Variants in RPS6KC1 observed in about 807,000 individuals in gnomAD.
The protein encoded by RPS6KC1 is ribosomal protein S6 kinase C1, also known as inactive ribosomal protein S6 kinase delta-1.
Under a neutral mutation model 103.8 loss-of-function variants are expected in RPS6KC1, and 54 were observed. The ratio of observed to expected loss-of-function variants is 0.52; its 90% CI spans 0.42 to 0.65. The LOEUF (loss-of-function observed/expected upper bound fraction) is 0.65. Among genes scored for constraint, RPS6KC1 ranks in the 30% least tolerant of loss-of-function variants. RPS6KC1 has a pLI of 0.00. For missense variants in RPS6KC1, 1,151 were observed against 1,253.8 expected, an observed-to-expected ratio of 0.92 and a Z score of 1.24; for synonymous variants, 439 against 438.7, an observed-to-expected ratio of 1.00 and a Z score of -0.01.
At chr1:213,598,598 G>T in the RPS6KC1 span, among the ~76,000 whole-genome samples, 1 of 152,054 alleles carries the variant, frequency 6.6e-6, no homozygotes, top group Non-Finnish European at 1.5e-5. Context: ...TATGAATCTG[G>T]GGACTCAGTA....
chr1:213,557,241 A>G, the RPS6KC1 span, among the ~76,000 whole-genome samples: 1 of 152,118 alleles, frequency 6.6e-6, no homozygotes, highest in African/African-American at 2.4e-5. Context: ...CTCCACCCCC[A>G]CTTTCTAGTG....
chr1:213,527,285 T>C, the RPS6KC1 span, among the ~76,000 whole-genome samples: 1 of 152,244 alleles, frequency 6.6e-6, no homozygotes, highest in Non-Finnish European at 1.5e-5. Context: ...TAGTGTTTTA[T>C]GGTTTATAAA....
intron 8 of RPS6KC1, among the ~76,000 whole-genome samples, chr1:213,178,276 ATG>A: frequency 6.6e-6 from 1 of 151,036 alleles, no homozygotes; most frequent in Non-Finnish European, 1.5e-5. Context: ...GTGGTGGCTC[ATG>A]CCTGTAATCT....
At chr1:213,713,527 C>A in the RPS6KC1 span, among the ~76,000 whole-genome samples, 1 of 152,128 alleles carries the variant, frequency 6.6e-6, no homozygotes, top group South Asian at 2.1e-4. Context: ...TTGTTTAATG[C>A]TTTGACAATT....
intron 3 of RPS6KC1, among the ~76,000 whole-genome samples, chr1:213,095,044 A>C (rs1007526217): frequency 2.0e-5 from 3 of 152,204 alleles, no homozygotes; most frequent in Admixed American, 6.5e-5. Context: ...CATCCAATCC[A>C]GGGCAGAACC....
the RPS6KC1 span, among the ~76,000 whole-genome samples, chr1:213,326,324 T>A: frequency 6.6e-6 from 1 of 152,222 alleles, no homozygotes; most frequent in African/African-American, 2.4e-5. Flanking sequence ...TTTTTCTACA[T>A]GCATTTTGAA....
At chr1:213,108,728 T>A (rs988143215) in intron 4 of RPS6KC1, among the ~76,000 whole-genome samples, 2 of 151,516 alleles carry the variant, frequency 1.3e-5, no homozygotes, top group Non-Finnish European at 1.5e-5. Context: ...CAATAATAGC[T>A]CACTTTAACC....
chr1:213,767,177 C>T, the RPS6KC1 span, among the ~76,000 whole-genome samples: 2 of 152,172 alleles, frequency 1.3e-5, no homozygotes, highest in African/African-American at 2.4e-5. Flanking sequence ...CAAAACATTA[C>T]TTTCTTCAAG....
At chr1:213,816,657 C>T in the RPS6KC1 span, among the ~76,000 whole-genome samples, 1 of 152,110 alleles carries the variant, frequency 6.6e-6, no homozygotes, top group South Asian at 2.1e-4. Flanking sequence ...CTCACCAGCC[C>T]CCTGTTCCTG....
the RPS6KC1 span, among the ~76,000 whole-genome samples, chr1:213,599,678 T>A: frequency 2.6e-5 from 4 of 152,338 alleles, no homozygotes; most frequent in African/African-American, 9.6e-5. Context: ...GCATTATTAC[T>A]TTTTTGCCCT....
the RPS6KC1 span, among the ~76,000 whole-genome samples, chr1:213,359,868 A>G: frequency 6.6e-6 from 1 of 152,216 alleles, no homozygotes; most frequent in African/African-American, 2.4e-5. Context: ...TTCCTTTAAG[A>G]ACGTTGAATA....
chr1:213,751,385 G>T, the RPS6KC1 span, among the ~76,000 whole-genome samples: 4 of 152,170 alleles, frequency 2.6e-5, no homozygotes, highest in Non-Finnish European at 4.4e-5. Flanking sequence ...AAACACCAGT[G>T]ATGATTCCTT....
At chr1:213,667,178 A>G in the RPS6KC1 span, among the ~76,000 whole-genome samples, 1 of 151,604 alleles carries the variant, frequency 6.6e-6, no homozygotes, top group Non-Finnish European at 1.5e-5. Flanking sequence ...CATATTGAGT[A>G]AAATACAAAA....
the RPS6KC1 span, among the ~76,000 whole-genome samples, chr1:213,602,186 C>CT: frequency 1.1e-5 from 1 of 94,110 alleles, no homozygotes; most frequent in African/African-American, 4.4e-5. Context: ...TTCTTTCTTT[C>CT]TTTTTCCCTC....
At chr1:213,216,393 GA>G (rs2093660662) in intron 8 of RPS6KC1, among the ~76,000 whole-genome samples, 2 of 152,114 alleles carry the variant, frequency 1.3e-5, no homozygotes, top group Non-Finnish European at 2.9e-5. Context: ...GACCTACAAA[GA>G]GACTTAGACT....
the RPS6KC1 span, among the ~76,000 whole-genome samples, chr1:213,474,715 C>G: frequency 1.3e-5 from 2 of 152,080 alleles, no homozygotes; most frequent in Non-Finnish European, 2.9e-5. Flanking sequence ...TGAACAGGCT[C>G]TTAGGCTCGG....
chr1:213,053,988 A>C (rs529115230), intron 1 of RPS6KC1, among the ~76,000 whole-genome samples: 5 of 152,064 alleles, frequency 3.3e-5, no homozygotes, highest in Non-Finnish European at 7.3e-5. Flanking sequence ...GGCGCCCTCC[A>C]CCATACCCGG....
chr1:213,783,815 CAAAAAAAAAAA>C, the RPS6KC1 span, among the ~76,000 whole-genome samples: 6 of 65,998 alleles, frequency 9.1e-5, no homozygotes, highest in South Asian at 8.2e-4. Context: ...AAGATGTTGC[CAAAAAAAAAAA>C]AAAAAAAAAA....
At chr1:213,622,213 C>T in the RPS6KC1 span, among the ~76,000 whole-genome samples, 18 of 149,480 alleles carry the variant, frequency 1.2e-4, no homozygotes, top group African/African-American at 3.5e-4. Context: ...TAGGCATTAC[C>T]CTGCTCGGGG....
Sources: allele counts gnomAD v4.1 joint callset (sites outside exome capture counted in the v4.1 genomes callset), GRCh38; gene constraint gnomAD v4.1.1; transcripts MANE v1.5; gene names NCBI Gene and HGNC (gene_info 2026-07-23, HGNC 2026-07-21).